NTPCR: variants seen among roughly 807,000 people sequenced by gnomAD.
NTPCR encodes the protein cancer-related nucleoside-triphosphatase.
NTPCR carries 15 observed loss-of-function variants against 19.5 expected under a neutral mutation model. The observed-to-expected ratio is 0.77, with a 90% CI of 0.51 to 1.18. The LOEUF (loss-of-function observed/expected upper bound fraction) is 1.18. NTPCR is among the 50% of genes most tolerant of loss of function. The probability of loss-of-function intolerance (pLI) is 0.00; values close to 1 mark genes in which losing one functional copy is unlikely to be tolerated. For synonymous variants in NTPCR, 90 were observed against 95.8 expected, an observed-to-expected ratio of 0.94 and a Z score of 0.36; for missense variants, 206 against 240.4, an observed-to-expected ratio of 0.86 and a Z score of 0.95.
At position 232,950,737 on chromosome 1, in the gene NTPCR, GC is replaced by G. The variant is rs1181477716; in HGVS notation, c.32del (p.Pro11GlnfsTer8). On this transcript the variant is annotated frameshift_variant, in exon 1 of 5. Coordinates refer to ENST00000366628, the MANE Select transcript of NTPCR (RefSeq NM_032324.3). LOFTEE classifies it high-confidence loss of function. Reference sequence around the variant, plus strand: ...TGGCCCGGCACGTGTTCCTAACGGGGCCCCCAGGTAACCCTGAGGGGATCCC... The same window carrying G: ...TGGCCCGGCACGTGTTCCTAACGGGGCCCCAGGTAACCCTGAGGGGATCCC... MARHVFLTG[P>X]PGVGKTTLIH... 1.2e-6 allele frequency: 2 copies of G among 1,601,368 alleles called. No individual in the cohort carries two copies. Among genetic ancestry groups the G allele is most frequent in the African/African-American group, 1.3e-5 (1 of 74,160 alleles).
At chr1:232,976,176 ATGGGG>A in intron 4 of NTPCR, 1 of 668,430 alleles carries the variant, frequency 1.5e-6, no homozygotes, top group Non-Finnish European at 2.2e-6. Context: ...GTACATATTT[ATGGGG>A]TACAGTGTGA....
chr1:232,976,631 C>T, intron 4 of NTPCR: 1 of 1,416,214 alleles, frequency 7.1e-7, no homozygotes, highest in Non-Finnish European at 9.2e-7. Flanking sequence ...GCTGACTGTC[C>T]TCATTTCAAG....
chr1:232,953,497 A>G (rs1225193187), intron 1 of NTPCR, among the ~76,000 whole-genome samples: 1 of 152,198 alleles, frequency 6.6e-6, no homozygotes, highest in African/African-American at 2.4e-5. Flanking sequence ...TACAGTCCCC[A>G]CAGTATACCC....
intron 3 of NTPCR, among the ~76,000 whole-genome samples, chr1:232,956,849 T>C (rs1430729800): frequency 1.3e-5 from 2 of 152,190 alleles, no homozygotes; most frequent in African/African-American, 4.8e-5. Context: ...TAACGTATTA[T>C]ATTATTATAT....
In NTPCR at chr1:232,955,697, C is replaced by CCCG. The variant is rs748472350; in HGVS notation, c.175_176insCCG (p.Arg59delinsProGly). 2 of 1,613,574 alleles carry CCCG rather than the reference C, an allele frequency of 1.2e-6. No homozygotes were observed. The highest frequency in any genetic ancestry group is 1.7e-6 in the Non-Finnish European group (2 of 1,179,764). ...CGATGTCGTCACGTTGTCCGGCACC[C>CCCG]GGGGGCCTTTATCGAGAGTTGGGTA... is the stretch of plus-strand genomic sequence containing the variant. On this transcript the variant is annotated protein_altering_variant, in exon 2 of 5. Coordinates refer to ENST00000366628, the MANE Select transcript of NTPCR (RefSeq NM_032324.3).
chr1:232,981,715 C>CTTTTTTT lies in NTPCR; in HGVS notation c.*3498_*3504dup, dbSNP rs199705051. 1 of 122,754 alleles carries CTTTTTTT rather than the reference C, an allele frequency of 8.1e-6. No homozygotes were observed. Among genetic ancestry groups the CTTTTTTT allele is most frequent in the African/African-American group, 3.2e-5 (1 of 31,218 alleles). 7.6% of individuals were successfully genotyped at this position (122,754 alleles called of 1,614,324 possible). ...CATTTTGATCTGTGTCCAAATAACT[C>CTTTTTTT]TTTTTTTTTTTTTTTTTTTTGAGAC... On this transcript the variant is annotated 3_prime_UTR_variant, in exon 5 of 5. Coordinates refer to ENST00000366628, the MANE Select transcript of NTPCR (RefSeq NM_032324.3).
intron 4 of NTPCR, among the ~76,000 whole-genome samples, chr1:232,972,453 G>A (rs1669010701): frequency 1.3e-5 from 2 of 149,896 alleles, no homozygotes; most frequent in African/African-American, 4.9e-5. Flanking sequence ...CTGAGACAAG[G>A]TTAGTCTCTG....
In NTPCR at chr1:232,978,278, G is replaced by C; in HGVS notation, c.*47G>C. The C allele has an allele frequency of 6.7e-7, 1 of 1,484,646 alleles. No homozygotes were observed. The highest frequency in any genetic ancestry group is 9.4e-7 in the Non-Finnish European group (1 of 1,064,772). 92.0% of individuals were successfully genotyped at this position (1,484,646 alleles called of 1,614,324 possible). A position where few individuals can be genotyped will look rare whatever the true frequency, so the allele number is the denominator to read the frequency against. ...CCGTGAAGGAGTGCCCAGTTCAAGAGGAGCCTGATGGAGCCCTGCCTGTCG... is the reference window on the plus strand; with the variant it reads ...CCGTGAAGGAGTGCCCAGTTCAAGACGAGCCTGATGGAGCCCTGCCTGTCG... On this transcript the variant is annotated 3_prime_UTR_variant, in exon 5 of 5. Transcript: ENST00000366628.
chr1:232,952,801 A>G (rs903006691), intron 1 of NTPCR, among the ~76,000 whole-genome samples: 7 of 152,138 alleles, frequency 4.6e-5, no homozygotes, highest in Middle Eastern at 3.4e-3. Context: ...GTCTCCTCTC[A>G]AAGAGGTCAC....
rs968095928 is a variant in NTPCR at position 232,979,474 on chromosome 1, G to C, written c.*1243G>C. The C allele has an allele frequency of 6.6e-6, 1 of 152,412 alleles. No individual in the cohort carries two copies. The highest frequency in any genetic ancestry group is 2.4e-5 in the African/African-American group (1 of 41,432). The allele number at this position is 152,412 out of a possible 1,614,324, so 9.4% of individuals were successfully genotyped here. On this transcript the variant is annotated 3_prime_UTR_variant, in exon 5 of 5. Coordinates refer to ENST00000366628, the MANE Select transcript of NTPCR (RefSeq NM_032324.3). The surrounding 1 kb of genome is among the most constrained non-coding windows in gnomAD (Gnocchi z 5.3). Reference sequence around the variant, plus strand: ...CAGCCCAGGTCTGGTTCCTCCATCAGTGTCTCTTTCCTCAGCGCTTTTCTT... The same window carrying C: ...CAGCCCAGGTCTGGTTCCTCCATCACTGTCTCTTTCCTCAGCGCTTTTCTT...
chr1:232,963,807 A>G (rs534928692), intron 3 of NTPCR: 1 of 142,982 alleles, frequency 7.0e-6, no homozygotes, highest in East Asian at 2.1e-4. Flanking sequence ...TATGTTTATC[A>G]TTTGCCTTGT....
intron 3 of NTPCR, chr1:232,968,720 A>G (rs559749292): frequency 6.6e-6 from 1 of 152,246 alleles, no homozygotes; most frequent in African/African-American, 2.4e-5. Context: ...CATGCCCTCT[A>G]GGACTATATT....
chr1:232,956,286 C>T, intron 2 of NTPCR, 61 bp from the exon 3 acceptor site: 1 of 1,229,990 alleles, frequency 8.1e-7, no homozygotes, highest in Non-Finnish European at 1.2e-6. Flanking sequence ...AGTGGAGCAG[C>T]TAAAAACCAG....
rs1208083755 is a variant in NTPCR, at chr1:232,978,414, T to C, written c.*183T>C. 2 of 567,680 alleles carry C rather than the reference T, an allele frequency of 3.5e-6. No individual in the cohort carries two copies. Among genetic ancestry groups the C allele is most frequent in the Admixed American group, 6.3e-5 (2 of 31,882 alleles). 35.2% of individuals were successfully genotyped at this position (567,680 alleles called of 1,614,324 possible). A position where few individuals can be genotyped will look rare whatever the true frequency, so the allele number is the denominator to read the frequency against. On this transcript the variant is annotated 3_prime_UTR_variant, in exon 5 of 5. Transcript: ENST00000366628. ...TCAAATTAGCCTTAATGCTGGATTG[T>C]CTGTACAAGATTAACTATCCATTGT...
intron 3 of NTPCR, chr1:232,962,269 G>A (rs977810090): frequency 2.6e-5 from 4 of 152,194 alleles, no homozygotes; most frequent in African/African-American, 7.2e-5. Flanking sequence ...CTTATATGGA[G>A]TGATTGGGAC....
chr1:232,960,525 G>T (rs756251738), intron 3 of NTPCR, among the ~76,000 whole-genome samples: 1 of 151,816 alleles, frequency 6.6e-6, no homozygotes, highest in East Asian at 2.0e-4. Context: ...TGTATTTTTA[G>T]TAGAGACGGG....
intron 4 of NTPCR, chr1:232,976,245 T>C: frequency 7.2e-7 from 1 of 1,382,482 alleles, no homozygotes; most frequent in Non-Finnish European, 9.4e-7. Flanking sequence ...AATTTCCATA[T>C]CTGTCACTTT....
chr1:232,958,556 G>T (rs1668579016), intron 3 of NTPCR, among the ~76,000 whole-genome samples: 2 of 152,156 alleles, frequency 1.3e-5, no homozygotes, highest in African/African-American at 4.8e-5. Flanking sequence ...TTCAGCAGGG[G>T]GTTGTGCTTC....
At chr1:232,955,421 T>C in intron 1 of NTPCR, 136 bp from the exon 2 acceptor site, 1 of 600,782 alleles carries the variant, frequency 1.7e-6, no homozygotes, top group South Asian at 3.1e-5. Flanking sequence ...AAGTTCATAT[T>C]CATAAATCCA....
Sources: allele counts gnomAD v4.1 joint callset (sites outside exome capture counted in the v4.1 genomes callset), GRCh38; gene constraint gnomAD v4.1.1; non-coding constraint Gnocchi (gnomAD v3.1); transcripts MANE v1.5; gene names NCBI Gene and HGNC (gene_info 2026-07-23, HGNC 2026-07-21).